The following RAB21 variants were observed in gnomAD, a reference collection of about 807,000 sequenced individuals.
The protein encoded by RAB21 is ras-related protein Rab-21.
RAB21 carries 13 observed loss-of-function variants against 33.1 expected under a neutral mutation model. That is an observed-to-expected ratio of 0.39 (90% CI 0.26 to 0.62). RAB21 has a LOEUF of 0.62. RAB21 is among the 20% of genes least tolerant of loss of function. RAB21 has a pLI of 0.48. For missense variants in RAB21, 234 were observed against 279.1 expected, an observed-to-expected ratio of 0.84 and a Z score of 1.15; for synonymous variants, 91 against 103.7, an observed-to-expected ratio of 0.88 and a Z score of 0.74.
chr12:71,775,567 C>T lies in RAB21; in HGVS notation c.391+1545C>T, dbSNP rs532352283. ...TTTTTTTTTTCTTGAGACGGAGTCT[C>T]GCTCTGTCACCCAGGCTGGAATGCA... On this transcript the variant is annotated intron_variant, in intron 4 of 6. Coordinates refer to ENST00000261263, the MANE Select transcript of RAB21 (RefSeq NM_014999.4). Among the ~76,000 whole-genome samples, 651 of 152,196 alleles carry T rather than the reference C, an allele frequency of 4.3e-3. 6 individuals are homozygous for T. The highest frequency in any genetic ancestry group is 5.6e-3 in the Non-Finnish European group (383 of 68,004).
chr12:71,778,791 C>A (rs1467810174), intron 4 of RAB21, among the ~76,000 whole-genome samples: 2 of 152,276 alleles, frequency 1.3e-5, no homozygotes, highest in East Asian at 3.9e-4. Context: ...GGGAACATTT[C>A]CTAGACCAAG....
chr12:71,771,361 A>G (rs1883039800), intron 3 of RAB21, among the ~76,000 whole-genome samples: 1 of 152,144 alleles, frequency 6.6e-6, no homozygotes, highest in South Asian at 2.1e-4. Context: ...GAATATGTCA[A>G]CAATGTGTAA....
chr12:71,774,080 G>A, intron 4 of RAB21, 58 bp downstream of exon 4: 1 of 1,174,514 alleles, frequency 8.5e-7, no homozygotes. Context: ...ATGTTTTATT[G>A]AAGACAAGTA....
chr12:71,793,240 T>G lies in RAB21; in HGVS notation c.*7567T>G, dbSNP rs981375546. The G allele has an allele frequency of 1.3e-5, 2 of 152,222 alleles. No individual in the cohort carries two copies. Among genetic ancestry groups the G allele is most frequent in the African/African-American group, 4.8e-5 (2 of 41,466 alleles). 9.4% of individuals were successfully genotyped at this position (152,222 alleles called of 1,614,324 possible). A position where few individuals can be genotyped will look rare whatever the true frequency, so the allele number is the denominator to read the frequency against. On this transcript the variant is annotated 3_prime_UTR_variant, in exon 7 of 7. Transcript: ENST00000261263. The stretch of plus-strand genomic sequence containing the variant: ...TGTTGTTTTCTTTGCCTTTGACAGA[T>G]GTGGCCTTGTCACCACACAGTAAGC...
At chr12:71,779,152 T>C (rs1326202064) in intron 4 of RAB21, among the ~76,000 whole-genome samples, 1 of 152,146 alleles carries the variant, frequency 6.6e-6, no homozygotes, top group Non-Finnish European at 1.5e-5. Context: ...AGAGGTTAAC[T>C]AATTTGTCCA....
intron 1 of RAB21, among the ~76,000 whole-genome samples, chr12:71,764,617 C>T (rs1177656834): frequency 6.6e-6 from 1 of 152,104 alleles, no homozygotes; most frequent in Non-Finnish European, 1.5e-5. Context: ...TCCAAACCTT[C>T]CTCCTTGAGT....
At position 71,793,902 on chromosome 12, in the gene RAB21, C is replaced by G. The variant is rs1009485376; in HGVS notation, c.*8229C>G. The G allele has an allele frequency of 6.6e-6, 1 of 152,210 alleles. No individual in the cohort carries two copies. The highest frequency in any genetic ancestry group is 2.4e-5 in the African/African-American group (1 of 41,436). 9.4% of individuals were successfully genotyped at this position (152,210 alleles called of 1,614,324 possible). A position where few individuals can be genotyped will look rare whatever the true frequency, so the allele number is the denominator to read the frequency against. On this transcript the variant is annotated 3_prime_UTR_variant, in exon 7 of 7. Transcript: ENST00000261263. ...ATTTGCTGCTCTGCTAAGACTAAAG[C>G]TGGCCCTTTCCAATCAAAAGTGTTA...
rs1296733485 is a variant in RAB21 at position 71,792,081 on chromosome 12, C to T, written c.*6408C>T. ...TGGAGATGGCTCTCACTTTGTTGCC[C>T]AGGCTGGTTTTTGAACTAGTTTCAA... On this transcript the variant is annotated 3_prime_UTR_variant, in exon 7 of 7. Transcript: ENST00000261263. 5 of 152,144 alleles carry T rather than the reference C, an allele frequency of 3.3e-5. No homozygotes were observed. In the East Asian group the frequency reaches 9.6e-4, roughly 29 times the overall value. 9.4% of individuals were successfully genotyped at this position (152,144 alleles called of 1,614,324 possible).
At chr12:71,784,253 A>T (rs1285266952) in intron 6 of RAB21, among the ~76,000 whole-genome samples, 3 of 152,044 alleles carry the variant, frequency 2.0e-5, no homozygotes, top group Non-Finnish European at 4.4e-5. Context: ...TGTGTTGTGT[A>T]TTCCCATTTT....
At chr12:71,780,538 A>T (rs1883183132) in intron 4 of RAB21, among the ~76,000 whole-genome samples, 2 of 152,194 alleles carry the variant, frequency 1.3e-5, no homozygotes, top group Admixed American at 1.3e-4. Context: ...CTAATATGAA[A>T]CTTCTTGCTG....
intron 4 of RAB21, among the ~76,000 whole-genome samples, chr12:71,780,884 A>G (rs1159553173): frequency 6.6e-6 from 1 of 152,200 alleles, no homozygotes; most frequent in Non-Finnish European, 1.5e-5. Flanking sequence ...CCTAAAAGCC[A>G]TAGTAGAAGA....
intron 1 of RAB21, among the ~76,000 whole-genome samples, chr12:71,764,290 T>C (rs1439924767): frequency 6.6e-6 from 1 of 152,118 alleles, no homozygotes; most frequent in Non-Finnish European, 1.5e-5. Flanking sequence ...TTATAATTAC[T>C]TCTCCCCCCT....
chr12:71,757,369 C>T (rs1882800984), intron 1 of RAB21, among the ~76,000 whole-genome samples: 8 of 152,146 alleles, frequency 5.3e-5, no homozygotes, highest in Admixed American at 5.2e-4. Context: ...CTTGGCCTCC[C>T]AAAGTGCTGG....
chr12:71,782,986 G>T (rs1392377200), intron 6 of RAB21, among the ~76,000 whole-genome samples: 2 of 152,032 alleles, frequency 1.3e-5, no homozygotes, highest in Non-Finnish European at 2.9e-5. Flanking sequence ...CTCTTGCAAT[G>T]AATGGACCTT....
Position 71,794,427 on chromosome 12 carries a change from ATTTTTTTTTTTTTTT to A in RAB21, c.*8769_*8783del, listed in dbSNP as rs71068802. 7.2e-5 allele frequency: 2 copies of A among 27,964 alleles called. No individual in the cohort carries two copies. Among genetic ancestry groups the A allele is most frequent in the South Asian group, 1.7e-3 (1 of 574 alleles). 1.7% of individuals were successfully genotyped at this position (27,964 alleles called of 1,614,324 possible). ...ATATTATATATATATATATATATAT[ATTTTTTTTTTTTTTT>A]TTTTTTTTTTTTTTGAGACGGAGTC... On this transcript the variant is annotated 3_prime_UTR_variant, in exon 7 of 7. Transcript: ENST00000261263.
intron 1 of RAB21, among the ~76,000 whole-genome samples, chr12:71,766,588 A>G (rs1248005578): frequency 2.0e-5 from 3 of 152,174 alleles, no homozygotes; most frequent in South Asian, 2.1e-4. Context: ...TTAACAGAAT[A>G]CTTATACCCA....
Position 71,793,702 on chromosome 12 carries a change from G to A in RAB21, c.*8029G>A, listed in dbSNP as rs376142602. 14 of 152,208 alleles carry A rather than the reference G, an allele frequency of 9.2e-5. No individual in the cohort carries two copies. Among genetic ancestry groups the A allele is most frequent in the African/African-American group, 3.1e-4 (13 of 41,454 alleles). 9.4% of individuals were successfully genotyped at this position (152,208 alleles called of 1,614,324 possible). A position where few individuals can be genotyped will look rare whatever the true frequency, so the allele number is the denominator to read the frequency against. ...AATTCATCCCCATCAAAAGATTTTA[G>A]CCAAAAGTAGTGGCATAAGAAATTT... On this transcript the variant is annotated 3_prime_UTR_variant, in exon 7 of 7. Transcript: ENST00000261263.
intron 1 of RAB21, among the ~76,000 whole-genome samples, chr12:71,760,490 C>T (rs191673346): frequency 5.3e-5 from 8 of 152,278 alleles, no homozygotes; most frequent in Admixed American, 4.6e-4. Context: ...CTGGAATTTA[C>T]GAAGGCAATA....
rs1883208737 is a variant in RAB21, at chr12:71,782,061, A to G, written c.422A>G (p.His141Arg). The G allele has an allele frequency of 6.2e-7, 1 of 1,607,590 alleles. No homozygotes were observed. Among genetic ancestry groups the G allele is most frequent in the Admixed American group, 1.7e-5 (1 of 59,986 alleles). ...GNKIDLEKER[H>R]VSIQEAESYA... ...AAAATAGACTTGGAAAAGGAGAGAC[A>G]TGTTTCCATTCAAGAAGCAGAGTCG... Residue 141 changes from histidine (H) to arginine (R), a missense_variant, in exon 5 of 7, where the codon CAT (histidine) becomes CGT (arginine). By Grantham distance (29) the His-to-Arg change is conservative. Coordinates refer to ENST00000261263, the MANE Select transcript of RAB21 (RefSeq NM_014999.4).
Sources: allele counts gnomAD v4.1 joint callset (sites outside exome capture counted in the v4.1 genomes callset), GRCh38; gene constraint gnomAD v4.1.1; transcripts MANE v1.5; gene names NCBI Gene and HGNC (gene_info 2026-07-23, HGNC 2026-07-21).